Variants in FAM219A observed in about 807,000 individuals in gnomAD.
FAM219A encodes the protein family with sequence similarity 219 member A.
A neutral mutation model predicts 23.4 loss-of-function variants in FAM219A; 7 were observed. That is an observed-to-expected ratio of 0.30 (90% confidence interval 0.17 to 0.56). FAM219A has a LOEUF of 0.56. Ranked by LOEUF, FAM219A falls within the 20% of genes least tolerant of loss-of-function variation. The pLI is 0.92. For missense variants in FAM219A, 166 were observed against 246.9 expected, an observed-to-expected ratio of 0.67 and a Z score of 2.20; for synonymous variants, 93 against 99.0, an observed-to-expected ratio of 0.94 and a Z score of 0.36.
chr9:34,407,358 G>T lies in FAM219A; in HGVS notation c.61-1394C>A, dbSNP rs138629492. ...GAAAAGGTTCTATTTTTTAAAAAAG[G>T]TTAAAATCTTTTGATTTTAAATGTT... On this transcript the variant is annotated intron_variant, in intron 1 of 5. Coordinates refer to ENST00000651358, the MANE Select transcript of FAM219A (RefSeq NM_001184940.2). Among the ~76,000 whole-genome samples the T allele has an allele frequency of 3.9e-3, 599 of 152,242 alleles. 5 individuals carry two copies. Among genetic ancestry groups the T allele is most frequent in the African/African-American group, 0.014 (569 of 41,530 alleles).
intron 1 of FAM219A, among the ~76,000 whole-genome samples, chr9:34,436,066 A>G (rs903910172): frequency 1.3e-5 from 2 of 152,148 alleles, no homozygotes; most frequent in Admixed American, 6.5e-5. Context: ...TGGCCTCCCA[A>G]TGTGCTGGGA....
chr9:34,423,604 G>C (rs983481615), intron 1 of FAM219A, among the ~76,000 whole-genome samples: 1 of 152,212 alleles, frequency 6.6e-6, no homozygotes, highest in Non-Finnish European at 1.5e-5. Flanking sequence ...ATAATGGGGA[G>C]CCACTGAAGG....
chr9:34,402,424 G>A lies in FAM219A; in HGVS notation c.307C>T (p.Pro103Ser), dbSNP rs1247984043. The A allele has an allele frequency of 6.2e-7, 1 of 1,614,206 alleles. No homozygotes were observed. The highest frequency in any genetic ancestry group is 1.3e-5 in the African/African-American group (1 of 75,058). The change falls in exon 4 of 6, where the codon CCT becomes TCT. Residue 103 changes from proline to serine, a missense_variant. Physicochemically the swap from Pro to Ser is moderately conservative, Grantham distance 74. Transcript: ENST00000651358. The part of the protein sequence containing the change: ...NKGYSSLDQS[P>S]DEKPLVALDT... ...AGGGCTACCAGTGGCTTCTCATCAG[G>A]GCTCTGGTCAAGTGAGGAGTAGCCT...
chr9:34,439,631 A>G (rs1823088094), intron 1 of FAM219A, among the ~76,000 whole-genome samples: 1 of 152,136 alleles, frequency 6.6e-6, no homozygotes, highest in African/African-American at 2.4e-5. Flanking sequence ...AACAACAAAA[A>G]AAAGGTAGAA....
rs1438747206 is a variant in FAM219A, at chr9:34,457,969, GC to G, written c.60+234del. Among the ~76,000 whole-genome samples the G allele has an allele frequency of 1.3e-5, 2 of 152,184 alleles. No individual in the cohort carries two copies. The highest frequency in any genetic ancestry group is 2.9e-5 in the Non-Finnish European group (2 of 68,020). On this transcript the variant is annotated intron_variant, in intron 1 of 5. Transcript: ENST00000651358. This position sits in a 1 kb window ranked among gnomAD's most constrained non-coding sequence, Gnocchi z 5.1. Reference sequence around the variant, plus strand: ...TGCCCCCTCCGTTCCATCCGACGGTGCCCTGCTTCCACCGACGGTGCCCTCC... The same window carrying G: ...TGCCCCCTCCGTTCCATCCGACGGTGCCTGCTTCCACCGACGGTGCCCTCC...
intron 1 of FAM219A, among the ~76,000 whole-genome samples, chr9:34,454,926 C>T (rs1823678997): frequency 3.3e-5 from 5 of 152,162 alleles, no homozygotes; most frequent in Admixed American, 3.3e-4. Context: ...AGCCTCTATC[C>T]ATACAGCTTG....
At chr9:34,411,361 A>G (rs1232173643) in intron 1 of FAM219A, among the ~76,000 whole-genome samples, 5 of 152,102 alleles carry the variant, frequency 3.3e-5, no homozygotes, top group Middle Eastern at 3.4e-3. Flanking sequence ...CAGTCTGCGC[A>G]ACATATTGAC....
At chr9:34,416,131 GTGCCAC>G (rs1344364027) in intron 1 of FAM219A, among the ~76,000 whole-genome samples, 5 of 151,114 alleles carry the variant, frequency 3.3e-5, no homozygotes, top group Non-Finnish European at 7.4e-5. Context: ...AGCTATGATT[GTGCCAC>G]TGCATTCTAG....
At chr9:34,443,476 C>T (rs1823258707) in intron 1 of FAM219A, among the ~76,000 whole-genome samples, 1 of 152,164 alleles carries the variant, frequency 6.6e-6, no homozygotes, top group South Asian at 2.1e-4. Context: ...AAGAATAACC[C>T]ATCTCCTCAC....
intron 1 of FAM219A, among the ~76,000 whole-genome samples, chr9:34,429,692 T>A (rs1048310067): frequency 1.6e-4 from 24 of 152,064 alleles, no homozygotes; most frequent in African/African-American, 5.1e-4. Context: ...CTCGCTAGTT[T>A]TATTTCTGCT....
At chr9:34,420,263 C>G (rs1031028707) in intron 1 of FAM219A, among the ~76,000 whole-genome samples, 1 of 152,168 alleles carries the variant, frequency 6.6e-6, no homozygotes. Flanking sequence ...GAGAGAGGAA[C>G]AGCAGAGGCA....
Position 34,419,566 on chromosome 9 carries a change from A to G in FAM219A, c.61-13602T>C, listed in dbSNP as rs896024589. On this transcript the variant is annotated intron_variant, in intron 1 of 5. Coordinates refer to ENST00000651358, the MANE Select transcript of FAM219A (RefSeq NM_001184940.2). ...TACTGCCCAGGAATCAGTACAAGAC[A>G]TGTGGTTGGAGACTCCTTGAGAGCC... Among the ~76,000 whole-genome samples the G allele has an allele frequency of 2.0e-5, 3 of 152,182 alleles. No individual in the cohort carries two copies. In the South Asian group the frequency reaches 6.2e-4, roughly 32 times the overall value.
chr9:34,428,623 A>G (rs1822574628), intron 1 of FAM219A, among the ~76,000 whole-genome samples: 1 of 152,250 alleles, frequency 6.6e-6, no homozygotes, highest in South Asian at 2.1e-4. Flanking sequence ...GTGGACACAT[A>G]ATCACAGCTC....
At chr9:34,425,344 G>T (rs543264044) in intron 1 of FAM219A, among the ~76,000 whole-genome samples, 1 of 152,166 alleles carries the variant, frequency 6.6e-6, no homozygotes, top group African/African-American at 2.4e-5. Flanking sequence ...GCTGGACATG[G>T]TGGTGGGTGC....
chr9:34,406,071 C>A, intron 1 of FAM219A, 107 bp from the exon 2 acceptor site: 1 of 1,165,196 alleles, frequency 8.6e-7, no homozygotes, highest in Non-Finnish European at 1.2e-6. Flanking sequence ...CTTCTGTGAG[C>A]ATTCACCCCT....
At chr9:34,449,300 C>G (rs1185132962) in intron 1 of FAM219A, among the ~76,000 whole-genome samples, 2 of 151,974 alleles carry the variant, frequency 1.3e-5, no homozygotes, top group East Asian at 3.9e-4. Context: ...GAAACTGTGT[C>G]TCAAAAAACA....
intron 2 of FAM219A, among the ~76,000 whole-genome samples, chr9:34,405,336 G>A (rs1268896466): frequency 6.6e-6 from 1 of 152,164 alleles, no homozygotes; most frequent in Non-Finnish European, 1.5e-5. Flanking sequence ...AGCCACAAGG[G>A]AAATGTGACC....
At chr9:34,415,780 T>G (rs1252348992) in intron 1 of FAM219A, among the ~76,000 whole-genome samples, 1 of 152,112 alleles carries the variant, frequency 6.6e-6, no homozygotes, top group Non-Finnish European at 1.5e-5. Flanking sequence ...GGGACTTAAA[T>G]GGAGATGTAA....
At position 34,400,788 on chromosome 9, in the gene FAM219A, T is replaced by C. The variant is rs1274873806; in HGVS notation, c.*176A>G. ...CCCAGTTTTGGTTTCTCCAGCTCCA[T>C]GAACACACAGAGGTACACGTCCTAC... On this transcript the variant is annotated 3_prime_UTR_variant, in exon 6 of 6. Coordinates refer to ENST00000651358, the MANE Select transcript of FAM219A (RefSeq NM_001184940.2). 1.6e-6 allele frequency: 1 copy of C among 621,562 alleles called. No homozygotes were observed. The highest frequency in any genetic ancestry group is 2.5e-6 in the Non-Finnish European group (1 of 401,366). The allele number at this position is 621,562 out of a possible 1,614,324, so 38.5% of individuals were successfully genotyped here.
Sources: gnomAD v4.1 joint callset for allele counts (sites outside exome capture counted in the v4.1 genomes callset) on GRCh38, gnomAD v4.1.1 for gene constraint, Gnocchi (gnomAD v3.1) non-coding constraint, MANE v1.5 for transcripts, NCBI Gene and HGNC (gene_info 2026-07-23, HGNC 2026-07-21) for gene names.